CDKL1: variants seen among roughly 807,000 people sequenced by gnomAD.
CDKL1 encodes the protein cyclin dependent kinase like 1.
Under a neutral mutation model 42.0 loss-of-function variants are expected in CDKL1, and 41 were observed. The ratio of observed to expected loss-of-function variants is 0.98; its 90% CI spans 0.76 to 1.27. CDKL1 has a LOEUF of 1.27. Among genes scored for constraint, CDKL1 ranks in the 50% most tolerant of loss-of-function variants. The pLI is 0.00. For missense variants in CDKL1, 394 were observed against 428.4 expected (o/e 0.92, Z 0.71); for synonymous variants, 153 against 158.6 (o/e 0.96, Z 0.26).
intron 2 of CDKL1, chr14:50,362,312 C>A (rs183094450): frequency 3.7e-4 from 130 of 346,834 alleles, no homozygotes; most frequent in African/African-American, 2.8e-3. Context: ...GGCAGCTCCA[C>A]CTGTGGCCTG....
At chr14:50,376,920 A>G (rs2034749668) in intron 2 of CDKL1, among the ~76,000 whole-genome samples, 1 of 152,198 alleles carries the variant, frequency 6.6e-6, no homozygotes, top group Non-Finnish European at 1.5e-5. Flanking sequence ...AATTTAAATG[A>G]GGGAAGCCCT....
intron 2 of CDKL1, among the ~76,000 whole-genome samples, chr14:50,388,184 T>C (rs1425802310): frequency 1.3e-5 from 2 of 152,196 alleles, no homozygotes; most frequent in Non-Finnish European, 2.9e-5. Flanking sequence ...CCACTGCAGC[T>C]GGCTGAGGTT....
At chr14:50,377,622 C>T in intron 2 of CDKL1, 1 of 1,345,348 alleles carries the variant, frequency 7.4e-7, no homozygotes, top group South Asian at 1.2e-5. Context: ...ACAAGGACCC[C>T]ACTGCTGATG....
chr14:50,367,016 CAGAG>C (rs372115906), intron 2 of CDKL1, among the ~76,000 whole-genome samples: 17 of 152,186 alleles, frequency 1.1e-4, no homozygotes, highest in Admixed American at 3.9e-4. Context: ...AAGCCATAGA[CAGAG>C]AGAGGAGATT....
chr14:50,378,334 T>C, intron 2 of CDKL1: 1 of 1,366,492 alleles, frequency 7.3e-7, no homozygotes, highest in Non-Finnish European at 9.8e-7. Context: ...GTTCTTGCTC[T>C]GCGAGGAAAT....
Position 50,359,021 on chromosome 14 carries a change from C to T in CDKL1, c.290+7G>A. ...TTTGTTTTGCTTGTAAGGGATGGATCACTCACCCTCTTTGGTATCTGTCCA... is the reference window on the plus strand; with the variant it reads ...TTTGTTTTGCTTGTAAGGGATGGATTACTCACCCTCTTTGGTATCTGTCCA... On this transcript the variant is annotated splice_region_variant and intron_variant, in intron 3 of 9. Transcript: ENST00000395834. The T allele has an allele frequency of 6.2e-7, 1 of 1,608,876 alleles. No individual in the cohort carries two copies. The highest frequency in any genetic ancestry group is 1.1e-5 in the South Asian group (1 of 90,246).
intron 2 of CDKL1, chr14:50,362,288 G>A: frequency 5.5e-6 from 2 of 364,736 alleles, no homozygotes; most frequent in Admixed American, 3.2e-5. Flanking sequence ...CGGGCGCACG[G>A]CATGGGACTG....
At chr14:50,397,050 G>C, upstream of CDKL1, 1 of 1,316,110 alleles carries the variant, frequency 7.6e-7, no homozygotes, top group Non-Finnish European at 1.0e-6. Flanking sequence ...CATGGGAGCT[G>C]TCCTGACCGC....
intron 2 of CDKL1, among the ~76,000 whole-genome samples, chr14:50,382,459 A>T (rs112104047): frequency 0.047 from 6,966 of 149,800 alleles, 196 homozygotes; most frequent in East Asian, 0.098. Flanking sequence ...TCAAAAAAAA[A>T]TTTTTTTTTT....
chr14:50,332,086 G>A, intron 9 of CDKL1, 176 bp downstream of exon 9: 2 of 1,570,264 alleles, frequency 1.3e-6, no homozygotes, highest in Non-Finnish European at 1.7e-6. Flanking sequence ...TTAGGATTCA[G>A]GGAGAGGGGG....
chr14:50,378,608 C>T (rs1021733379), intron 2 of CDKL1, among the ~76,000 whole-genome samples: 5 of 149,018 alleles, frequency 3.4e-5, no homozygotes, highest in African/African-American at 1.2e-4. Flanking sequence ...ATCATCGCTC[C>T]CTGCAGCCTT....
In CDKL1 at chr14:50,361,322, A is replaced by G. The variant is rs567902963; in HGVS notation, c.169-2173T>C. On this transcript the variant is annotated intron_variant, in intron 2 of 9. Coordinates refer to ENST00000395834, the MANE Select transcript of CDKL1 (RefSeq NM_004196.7). Reference sequence around the variant, plus strand: ...TGTAAAATCCCTCTGTATTTTCAAGATGTGAAATTCCTGCTCCAGATATTA... The same window carrying G: ...TGTAAAATCCCTCTGTATTTTCAAGGTGTGAAATTCCTGCTCCAGATATTA... 2.0e-4 allele frequency among the ~76,000 whole-genome samples: 31 copies of G among 152,358 alleles called. No homozygotes were observed. The South Asian group carries it at 6.2e-3, about 31-fold the overall frequency.
At position 50,337,216 on chromosome 14, in the gene CDKL1, C is replaced by G. The variant is rs552407835; in HGVS notation, c.738+1731G>C. The stretch of plus-strand genomic sequence containing the variant: ...TAGAGACAGGGTTTCATCATGTTGC[C>G]TAGGCTGGTCTCGAACTCCTGGGCT... On this transcript the variant is annotated intron_variant, in intron 7 of 9. Transcript: ENST00000395834. Among the ~76,000 whole-genome samples, 42 of 151,988 alleles carry G rather than the reference C, an allele frequency of 2.8e-4. 1 individual carries two copies. Among genetic ancestry groups the G allele is most frequent in the Admixed American group, 2.4e-3 (36 of 15,274 alleles).
intron 2 of CDKL1, among the ~76,000 whole-genome samples, chr14:50,384,057 G>C (rs1308488279): frequency 6.6e-6 from 1 of 152,216 alleles, no homozygotes; most frequent in Non-Finnish European, 1.5e-5. Context: ...GTCCCCACTT[G>C]TTGAACCAAT....
At chr14:50,332,931 C>A in intron 8 of CDKL1, 1 of 341,078 alleles carries the variant, frequency 2.9e-6, no homozygotes, top group South Asian at 6.4e-5. Context: ...TTTGGTGTAT[C>A]CCTCCAGAAA....
At chr14:50,336,236 T>C (rs1212955979) in intron 7 of CDKL1, 2 of 1,308,398 alleles carry the variant, frequency 1.5e-6, no homozygotes, top group African/African-American at 1.5e-5. Flanking sequence ...GCACAGATGT[T>C]CAACCAGTGC....
chr14:50,384,183 T>C (rs1192387757), intron 2 of CDKL1, among the ~76,000 whole-genome samples: 1 of 152,312 alleles, frequency 6.6e-6, no homozygotes, highest in East Asian at 1.9e-4. Flanking sequence ...AGCATCTATC[T>C]ATACATTAGT....
In CDKL1 at chr14:50,347,674, G is replaced by A. The variant is rs374849703; in HGVS notation, c.291-2616C>T. Among the ~76,000 whole-genome samples, 23 of 152,336 alleles carry A rather than the reference G, an allele frequency of 1.5e-4. No individual in the cohort carries two copies. The South Asian group carries it at 4.1e-3, about 27-fold the overall frequency. ...CTTACTGGACACCCAAAGGAAGACT[G>A]TGAGTCAGCAATTCTACATTCAGAA... is the stretch of plus-strand genomic sequence containing the variant. On this transcript the variant is annotated intron_variant, in intron 3 of 9. Coordinates refer to ENST00000395834, the MANE Select transcript of CDKL1 (RefSeq NM_004196.7).
intron 2 of CDKL1, 53 bp downstream of exon 2, chr14:50,395,648 C>CA (rs2035374778): frequency 7.9e-7 from 1 of 1,260,412 alleles, no homozygotes; most frequent in South Asian, 1.3e-5. Context: ...GCCTGGGAGA[C>CA]AGAGTGAAAC....
Sources: gnomAD v4.1 joint callset for allele counts (sites outside exome capture counted in the v4.1 genomes callset) on GRCh38, gnomAD v4.1.1 for gene constraint, MANE v1.5 for transcripts, NCBI Gene and HGNC (gene_info 2026-07-23, HGNC 2026-07-21) for gene names.